The following HIF1A variants were observed in gnomAD, a reference collection of about 807,000 sequenced individuals.
The protein encoded by HIF1A is hypoxia-inducible factor 1-alpha.
HIF1A carries 24 observed loss-of-function variants against 92.7 expected under a neutral mutation model. That is an observed-to-expected ratio of 0.26 (90% confidence interval 0.19 to 0.36). HIF1A has a LOEUF of 0.36. Among genes scored for constraint, HIF1A ranks in the 10% least tolerant of loss-of-function variants. The pLI is 1.00. For synonymous variants in HIF1A, 319 were observed against 338.7 expected (o/e 0.94, Z 0.64); for missense variants, 799 against 998.5 (o/e 0.80, Z 2.69).
chr14:61,727,420 A>AT (rs1343309118), intron 5 of HIF1A, 33 bp from the exon 6 acceptor site: 38 of 1,502,952 alleles, frequency 2.5e-5, no homozygotes, highest in Admixed American at 3.4e-5. Context: ...CATTGTAAAT[A>AT]TTTTTTTTAA....
At chr14:61,710,968 AC>A (rs2044299380) in intron 1 of HIF1A, among the ~76,000 whole-genome samples, 1 of 150,060 alleles carries the variant, frequency 6.7e-6, no homozygotes, top group African/African-American at 2.5e-5. Context: ...AATCGCTTGA[AC>A]CTGGGAGGCG....
chr14:61,710,590 G>C (rs2044295109), intron 1 of HIF1A, among the ~76,000 whole-genome samples: 1 of 152,090 alleles, frequency 6.6e-6, no homozygotes, highest in Non-Finnish European at 1.5e-5. Context: ...AATTTGAAAT[G>C]TCAGGTTTTT....
In HIF1A at chr14:61,746,976, G is replaced by A; in HGVS notation, c.2372G>A (p.Gly791Glu). 6.2e-7 allele frequency: 1 copy of A among 1,613,434 alleles called. No individual in the cohort carries two copies. Among genetic ancestry groups the A allele is most frequent in the South Asian group, 1.1e-5 (1 of 90,950 alleles). ...CTGGGGCAATCAATGGATGAAAGTG[G>A]ATTACCACAGCTGACCAGTTATGAT... ...RLLGQSMDES[G>E]LPQLTSYDCE... The change falls in exon 15 of 15, where the codon GGA (glycine) becomes GAA (glutamate). Residue 791 changes from glycine to glutamate, a missense_variant. Physicochemically the swap from Gly to Glu is moderately conservative, Grantham distance 98. Coordinates refer to ENST00000337138, the MANE Select transcript of HIF1A (RefSeq NM_001530.4).
intron 10 of HIF1A, 62 bp downstream of exon 10, chr14:61,738,435 T>G: frequency 7.3e-7 from 1 of 1,378,842 alleles, no homozygotes; most frequent in Non-Finnish European, 9.9e-7. Flanking sequence ...AAGAATGTAT[T>G]TATAAGTTTG....
chr14:61,744,587 T>A, intron 12 of HIF1A, 118 bp from the exon 13 acceptor site: 1 of 481,920 alleles, frequency 2.1e-6, no homozygotes, highest in Non-Finnish European at 3.7e-6. Flanking sequence ...AGTTATCTTA[T>A]GTATATTATA....
intron 1 of HIF1A, among the ~76,000 whole-genome samples, chr14:61,708,302 G>C (rs1034022996): frequency 2.6e-5 from 4 of 152,254 alleles, no homozygotes; most frequent in African/African-American, 9.6e-5. Flanking sequence ...AAGCTCTTTA[G>C]TTTAATTAGA....
chr14:61,737,887 C>T (rs1285145236), intron 9 of HIF1A, among the ~76,000 whole-genome samples, 200 bp from the exon 10 acceptor site: 1 of 151,914 alleles, frequency 6.6e-6, no homozygotes, highest in Non-Finnish European at 1.5e-5. Flanking sequence ...GTTAGCTGGG[C>T]GTGGTGGTGT....
At chr14:61,724,411 C>A (rs2044477614) in intron 4 of HIF1A, among the ~76,000 whole-genome samples, 1 of 149,834 alleles carries the variant, frequency 6.7e-6, no homozygotes, top group Non-Finnish European at 1.5e-5. Flanking sequence ...TTCCCTTCCC[C>A]CTCCTTTGCT....
chr14:61,731,425 G>A (rs558294960), intron 6 of HIF1A, among the ~76,000 whole-genome samples: 11 of 152,162 alleles, frequency 7.2e-5, no homozygotes, highest in Non-Finnish European at 1.2e-4. Flanking sequence ...CTCTGCCAGC[G>A]AGCTAGATAG....
intron 4 of HIF1A, among the ~76,000 whole-genome samples, chr14:61,723,122 G>A (rs998345269): frequency 2.6e-5 from 4 of 152,116 alleles, no homozygotes; most frequent in African/African-American, 4.8e-5. Context: ...AAGTGCATAC[G>A]TTTGTTTGCT....
rs771152491 is a variant in HIF1A, at chr14:61,724,380, T to TCTCTCTCTCC, written c.458-2325_458-2324insTCTCTCTCCC. On this transcript the variant is annotated intron_variant, in intron 4 of 14. Transcript: ENST00000337138. ...CTCTCTCTCTCTCTCTCTCTCTCTC[T>TCTCTCTCTCC]CCCCCTCCCTCCCGCACTCCTTCCC... 3.2e-3 allele frequency among the ~76,000 whole-genome samples: 442 copies of TCTCTCTCTCC among 139,590 alleles called. 7 individuals are homozygous for TCTCTCTCTCC. The highest frequency in any genetic ancestry group is 7.3e-3 in the Middle Eastern group (2 of 274). The allele number at this position is 139,590 out of a possible 152,430, so 91.6% of individuals were successfully genotyped here.
rs1434107649 is a variant in HIF1A, at chr14:61,746,968, T to A, written c.2364T>A (p.Asp788Glu). Residue 788 changes from aspartate to glutamate, a missense_variant, in exon 15 of 15, where the codon GAT becomes GAA. Around this residue, in one of 2 missense-constraint regions of HIF1A, gnomAD observed 283 missense variants for 277.5 expected, o/e 1.02. Transcript: ENST00000337138. ...GTAGACTGCTGGGGCAATCAATGGA[T>A]GAAAGTGGATTACCACAGCTGACCA... Reference protein sequence around the residue: ...LACRLLGQSMDESGLPQLTSY... With the variant: ...LACRLLGQSMEESGLPQLTSY... 1.9e-6 allele frequency: 3 copies of A among 1,612,980 alleles called. No homozygotes were observed. The highest frequency in any genetic ancestry group is 2.5e-6 in the Non-Finnish European group (3 of 1,179,636).
At chr14:61,700,396 T>C (rs1233655118) in intron 1 of HIF1A, among the ~76,000 whole-genome samples, 3 of 152,214 alleles carry the variant, frequency 2.0e-5, no homozygotes, top group Non-Finnish European at 2.9e-5. Flanking sequence ...AATAGAATTA[T>C]AGGGTTTTAA....
chr14:61,739,536 G>T (rs2044680694), intron 10 of HIF1A, among the ~76,000 whole-genome samples: 1 of 152,112 alleles, frequency 6.6e-6, no homozygotes, highest in Admixed American at 6.5e-5. Context: ...TCACAGCCTT[G>T]TGTTGAATGA....
In HIF1A at chr14:61,747,572, C is replaced by G. The variant is rs186070865; in HGVS notation, c.*487C>G. On this transcript the variant is annotated 3_prime_UTR_variant, in exon 15 of 15. Coordinates refer to ENST00000337138, the MANE Select transcript of HIF1A (RefSeq NM_001530.4). ...GCACAATATATTTTCTTAAAAAATA[C>G]CAGCAGTTACTCATGGAATATATTC... The G allele has an allele frequency of 6.6e-6, 1 of 152,432 alleles. No homozygotes were observed. The highest frequency in any genetic ancestry group is 2.4e-5 in the African/African-American group (1 of 41,426). The allele number at this position is 152,432 out of a possible 1,614,324, so 9.4% of individuals were successfully genotyped here. A position where few individuals can be genotyped will look rare whatever the true frequency, so the allele number is the denominator to read the frequency against.
intron 1 of HIF1A, among the ~76,000 whole-genome samples, chr14:61,719,549 A>G (rs2044402103): frequency 6.6e-6 from 1 of 152,248 alleles, no homozygotes; most frequent in Non-Finnish European, 1.5e-5. Flanking sequence ...GCTATTCAAC[A>G]AGCTATTAGA....
At chr14:61,730,698 C>T (rs571064395) in intron 6 of HIF1A, among the ~76,000 whole-genome samples, 1 of 152,270 alleles carries the variant, frequency 6.6e-6, no homozygotes, top group South Asian at 2.1e-4. Flanking sequence ...GCATTTATCA[C>T]ATTATTTCCT....
chr14:61,696,137 G>A (rs900459397), intron 1 of HIF1A, among the ~76,000 whole-genome samples: 2 of 152,214 alleles, frequency 1.3e-5, no homozygotes, highest in South Asian at 2.1e-4. Context: ...CCACCTACCC[G>A]CCTCAAAAAC....
intron 6 of HIF1A, among the ~76,000 whole-genome samples, chr14:61,728,054 A>G (rs1282368387): frequency 6.6e-6 from 1 of 152,044 alleles, no homozygotes; most frequent in African/African-American, 2.4e-5. Context: ...ATGTTAAACT[A>G]TACTTTCCAC....
Sources: allele counts gnomAD v4.1 joint callset (sites outside exome capture counted in the v4.1 genomes callset), GRCh38; gene constraint gnomAD v4.1.1; regional missense constraint gnomAD v4.1.1; transcripts MANE v1.5; gene names NCBI Gene and HGNC (gene_info 2026-07-23, HGNC 2026-07-21).